Variants in AP3B1 observed in about 807,000 individuals in gnomAD.
AP3B1 encodes AP-3 complex subunit beta-1.
In AP3B1, 61 loss-of-function variants were observed where a neutral mutation model predicts 132.5. The ratio of observed to expected loss-of-function variants is 0.46; its 90% CI spans 0.37 to 0.57. AP3B1 has a LOEUF of 0.57. Among genes scored for constraint, AP3B1 ranks in the 20% least tolerant of loss-of-function variants. AP3B1 has a pLI of 0.00. For synonymous variants in AP3B1, 388 were observed against 438.3 expected, an observed-to-expected ratio of 0.89 and a Z score of 1.43; for missense variants, 1,120 against 1,289.4, an observed-to-expected ratio of 0.87 and a Z score of 2.01.
intron 9 of AP3B1, among the ~76,000 whole-genome samples, chr5:78,176,199 T>C (rs559626675): frequency 2.8e-4 from 43 of 152,294 alleles, no homozygotes; most frequent in African/African-American, 9.6e-4. Context: ...AAATAACTCA[T>C]TCTTCCCAGG....
chr5:78,148,042 G>A (rs945653218), intron 14 of AP3B1, among the ~76,000 whole-genome samples: 1 of 148,874 alleles, frequency 6.7e-6, no homozygotes, highest in African/African-American at 2.5e-5. Context: ...AAAAAAAAAA[G>A]GGAAAGAGAG....
chr5:78,260,297 TGAG>T (rs1182450150), intron 2 of AP3B1, among the ~76,000 whole-genome samples: 4 of 151,878 alleles, frequency 2.6e-5, no homozygotes. Flanking sequence ...CTCTAAAGAA[TGAG>T]GAGGGGCCGG....
intron 1 of AP3B1, among the ~76,000 whole-genome samples, chr5:78,290,089 G>A (rs1749448701): frequency 6.6e-6 from 1 of 152,158 alleles, no homozygotes; most frequent in South Asian, 2.1e-4. Flanking sequence ...ACCATCTCAT[G>A]AGATCCTCAC....
intron 19 of AP3B1, among the ~76,000 whole-genome samples, chr5:78,112,060 AG>A (rs887268741): frequency 2.0e-5 from 3 of 152,116 alleles, no homozygotes; most frequent in African/African-American, 7.2e-5. Flanking sequence ...TGATTACTAA[AG>A]GGTGGTTTTT....
At chr5:78,290,181 A>G (rs143649918) in intron 1 of AP3B1, among the ~76,000 whole-genome samples, 182 of 152,374 alleles carry the variant, frequency 1.2e-3, no homozygotes, top group Non-Finnish European at 2.2e-3. Context: ...ACAAGGAAGC[A>G]CTACTACAAA....
intron 22 of AP3B1, among the ~76,000 whole-genome samples, chr5:78,060,963 T>C (rs1299563506): frequency 6.6e-6 from 1 of 152,172 alleles, no homozygotes; most frequent in African/African-American, 2.4e-5. Flanking sequence ...TGTTATGTAA[T>C]TTTTATGTTT....
intron 21 of AP3B1, among the ~76,000 whole-genome samples, chr5:78,098,595 A>T (rs1192062428): frequency 1.3e-5 from 2 of 152,254 alleles, no homozygotes; most frequent in Non-Finnish European, 2.9e-5. Context: ...ACAGAAAGAT[A>T]CAAAATATAA....
intron 1 of AP3B1, among the ~76,000 whole-genome samples, chr5:78,288,954 A>AC (rs1031523002): frequency 6.6e-6 from 1 of 151,806 alleles, no homozygotes; most frequent in African/African-American, 2.4e-5. Flanking sequence ...GAAAAAAAAA[A>AC]ACACCCAAAA....
intron 14 of AP3B1, among the ~76,000 whole-genome samples, chr5:78,143,713 A>G (rs1011355073): frequency 1.3e-5 from 2 of 152,178 alleles, no homozygotes; most frequent in Admixed American, 6.5e-5. Flanking sequence ...GCAAGTAAGA[A>G]AATTAGTCAC....
chr5:78,047,361 C>T (rs1026604411), intron 22 of AP3B1, among the ~76,000 whole-genome samples: 1 of 152,188 alleles, frequency 6.6e-6, no homozygotes, highest in Non-Finnish European at 1.5e-5. Flanking sequence ...TCTCCAGCAT[C>T]TGTTGTTTCC....
chr5:78,284,667 G>C (rs1487117205), intron 1 of AP3B1, among the ~76,000 whole-genome samples: 3 of 151,992 alleles, frequency 2.0e-5, no homozygotes, highest in Admixed American at 1.3e-4. Flanking sequence ...AAAGAAAAAA[G>C]GCTAAAAGAT....
chr5:78,039,001 G>T, intron 23 of AP3B1, 42 bp downstream of exon 23: 1 of 1,202,482 alleles, frequency 8.3e-7, no homozygotes, highest in South Asian at 1.3e-5. Context: ...CATATTTAGT[G>T]ATCAAATATA....
At chr5:78,172,599 T>C (rs1580441837) in intron 11 of AP3B1, among the ~76,000 whole-genome samples, 1 of 152,250 alleles carries the variant, frequency 6.6e-6, no homozygotes, top group East Asian at 1.9e-4. Context: ...TATCATTTTT[T>C]AATGCATCTA....
chr5:78,261,077 T>C (rs1033129017), intron 2 of AP3B1, among the ~76,000 whole-genome samples: 1 of 152,242 alleles, frequency 6.6e-6, no homozygotes, highest in Non-Finnish European at 1.5e-5. Context: ...AACACTGATG[T>C]AGAAATATCT....
At chr5:78,028,204 T>C (rs989871255) in intron 24 of AP3B1, among the ~76,000 whole-genome samples, 1 of 138,796 alleles carries the variant, frequency 7.2e-6, no homozygotes, top group Admixed American at 7.8e-5. Context: ...ACGCCTGTAA[T>C]GGGATTATAG....
At chr5:78,182,544 T>C (rs1744415511) in intron 7 of AP3B1, among the ~76,000 whole-genome samples, 1 of 152,198 alleles carries the variant, frequency 6.6e-6, no homozygotes, top group African/African-American at 2.4e-5. Context: ...GACAGACCAG[T>C]GAGTTCCCTG....
At chr5:78,127,226 C>G (rs1343251131) in intron 17 of AP3B1, among the ~76,000 whole-genome samples, 1 of 152,130 alleles carries the variant, frequency 6.6e-6, no homozygotes, top group Non-Finnish European at 1.5e-5. Context: ...TAGTAAAGAA[C>G]CCCAGTTATC....
intron 22 of AP3B1, among the ~76,000 whole-genome samples, chr5:78,078,615 C>T (rs1749859279): frequency 6.6e-6 from 1 of 152,204 alleles, no homozygotes; most frequent in Non-Finnish European, 1.5e-5. Flanking sequence ...CTCAATCATT[C>T]TCCAAGACCC....
chr5:78,178,939 T>C (rs1402591670), intron 8 of AP3B1, among the ~76,000 whole-genome samples: 1 of 152,182 alleles, frequency 6.6e-6, no homozygotes, highest in Non-Finnish European at 1.5e-5. Flanking sequence ...AAATACAGTA[T>C]ACAGGGTCCT....
Sources: gnomAD v4.1 joint callset for allele counts (sites outside exome capture counted in the v4.1 genomes callset) on GRCh38, gnomAD v4.1.1 for gene constraint, MANE v1.5 for transcripts, NCBI Gene and HGNC (gene_info 2026-07-23, HGNC 2026-07-21) for gene names.